CADPS: variants seen among roughly 807,000 people sequenced by gnomAD.
CADPS encodes the protein calcium dependent secretion activator, also known as calcium-dependent secretion activator 1.
A neutral mutation model predicts 167.3 loss-of-function variants in CADPS; 57 were observed. The observed-to-expected ratio is 0.34, with a 90% CI of 0.28 to 0.42. CADPS has a LOEUF of 0.42. Among genes scored for constraint, CADPS ranks in the 20% least tolerant of loss-of-function variants. CADPS has a pLI of 1.00. For synonymous variants in CADPS, 676 were observed against 635.3 expected (o/e 1.06, Z -0.96); for missense variants, 1,414 against 1,738.1 (o/e 0.81, Z 3.32).
At chr3:62,506,239 T>C (rs888128565) in intron 17 of CADPS, among the ~76,000 whole-genome samples, 1 of 151,952 alleles carries the variant, frequency 6.6e-6, no homozygotes, top group Non-Finnish European at 1.5e-5. Flanking sequence ...AATACAAAAG[T>C]TAGCTGGGCA....
intron 6 of CADPS, among the ~76,000 whole-genome samples, chr3:62,639,546 T>C (rs1178572668): frequency 2.6e-5 from 4 of 152,200 alleles, no homozygotes; most frequent in African/African-American, 9.6e-5. Flanking sequence ...AAAGGTCGTA[T>C]CTGTGTTATT....
At chr3:62,607,515 T>C (rs1436469398) in intron 6 of CADPS, among the ~76,000 whole-genome samples, 1 of 152,232 alleles carries the variant, frequency 6.6e-6, no homozygotes, top group Non-Finnish European at 1.5e-5. Flanking sequence ...TCAGTAGCAC[T>C]TGAGTGTCCC....
intron 28 of CADPS, among the ~76,000 whole-genome samples, chr3:62,423,158 C>T (rs1368173935): frequency 6.6e-6 from 1 of 152,196 alleles, no homozygotes; most frequent in African/African-American, 2.4e-5. Flanking sequence ...GATGGGGTAT[C>T]ACCCTGAAGT....
At chr3:62,655,691 C>T (rs1300125669) in intron 4 of CADPS, among the ~76,000 whole-genome samples, 1 of 152,044 alleles carries the variant, frequency 6.6e-6, no homozygotes, top group Admixed American at 6.6e-5. Context: ...CCCTAGACCC[C>T]AAAGACTCAA....
intron 1 of CADPS, among the ~76,000 whole-genome samples, chr3:62,772,640 T>C (rs139364440): frequency 0.023 from 3,458 of 152,326 alleles, 64 homozygotes; most frequent in South Asian, 0.06. Flanking sequence ...TTCTACTTGT[T>C]CAAGTCACTG....
intron 7 of CADPS, among the ~76,000 whole-genome samples, chr3:62,585,600 T>A (rs1004219616): frequency 6.6e-6 from 1 of 152,234 alleles, no homozygotes; most frequent in Admixed American, 6.5e-5. Flanking sequence ...AAACCCAGAA[T>A]GGAGAATATT....
chr3:62,749,696 T>C (rs1257399940), intron 3 of CADPS, among the ~76,000 whole-genome samples: 2 of 152,234 alleles, frequency 1.3e-5, no homozygotes, highest in African/African-American at 4.8e-5. Context: ...ACAGGTATAC[T>C]ATCTTTGCTG....
intron 3 of CADPS, among the ~76,000 whole-genome samples, chr3:62,704,995 A>G (rs1237327595): frequency 6.6e-6 from 1 of 152,124 alleles, no homozygotes; most frequent in Non-Finnish European, 1.5e-5. Flanking sequence ...TCATCAGTGA[A>G]CCAAGCCCAC....
intron 3 of CADPS, among the ~76,000 whole-genome samples, chr3:62,738,710 G>C (rs1575669320): frequency 6.6e-6 from 1 of 152,108 alleles, no homozygotes; most frequent in East Asian, 1.9e-4. Flanking sequence ...TGGGCAACAA[G>C]AGTGAAACTC....
chr3:62,417,463 T>G (rs2149354124), intron 28 of CADPS, among the ~76,000 whole-genome samples: 2 of 151,786 alleles, frequency 1.3e-5, no homozygotes, highest in South Asian at 4.2e-4. Flanking sequence ...TTTTGTATTT[T>G]TAGTAGAGAT....
At chr3:62,731,804 G>GAAAAAAAAAAAAAAAA (rs2077878478) in intron 3 of CADPS, among the ~76,000 whole-genome samples, 2 of 9,188 alleles carry the variant, frequency 2.2e-4, no homozygotes, top group Non-Finnish European at 4.1e-4. Flanking sequence ...CTGATCATAT[G>GAAAAAAAAAAAAAAAA]CAAAAAAAAA....
Position 62,501,103 on chromosome 3 carries a change from G to A in CADPS, c.2600-1835C>T, listed in dbSNP as rs188575301. Among the ~76,000 whole-genome samples the A allele has an allele frequency of 3.2e-4, 48 of 152,320 alleles. 1 individual carries two copies. In the South Asian group the frequency reaches 7.5e-3, roughly 24 times the overall value. ...CCAGATGGAAATGTGGCTGGATCTG[G>A]TTAGAGCCTGAAGGTGGGGCTGTGG... On this transcript the variant is annotated intron_variant, in intron 17 of 29. Coordinates refer to ENST00000383710, the MANE Select transcript of CADPS (RefSeq NM_003716.4).
At chr3:62,810,227 C>G (rs1234528204) in intron 1 of CADPS, among the ~76,000 whole-genome samples, 1 of 152,114 alleles carries the variant, frequency 6.6e-6, no homozygotes, top group Non-Finnish European at 1.5e-5. Flanking sequence ...GAACTAAAAA[C>G]TATTTTCTGT....
chr3:62,632,635 A>G (rs140446298), intron 6 of CADPS, among the ~76,000 whole-genome samples: 6 of 152,224 alleles, frequency 3.9e-5, no homozygotes, highest in African/African-American at 1.4e-4. Flanking sequence ...GTGGGACTGG[A>G]CTCACTGTAG....
chr3:62,845,151 C>T (rs181338791), intron 1 of CADPS, among the ~76,000 whole-genome samples: 1 of 152,280 alleles, frequency 6.6e-6, no homozygotes, highest in Admixed American at 6.5e-5. Flanking sequence ...CACTTTTCAT[C>T]TCAGAAGGAC....
intron 3 of CADPS, among the ~76,000 whole-genome samples, chr3:62,717,828 C>T (rs2084973450): frequency 6.6e-6 from 1 of 152,176 alleles, no homozygotes; most frequent in Non-Finnish European, 1.5e-5. Flanking sequence ...CCATCATTAA[C>T]TACCTGATTG....
chr3:62,487,814 A>G (rs1188696130), intron 21 of CADPS, among the ~76,000 whole-genome samples: 1 of 152,206 alleles, frequency 6.6e-6, no homozygotes, highest in Non-Finnish European at 1.5e-5. Context: ...ACAGGGCCAT[A>G]TTTTGAAATA....
In CADPS at chr3:62,512,458, CAT is replaced by C. The variant is rs1459064454; in HGVS notation, c.2599+291_2599+292del. ...GTTAAACAACTTTTTAAAAAATGCA[CAT>C]GAGGCCAAATCACTGGAATCCTATA... On this transcript the variant is annotated intron_variant, in intron 17 of 29. Coordinates refer to ENST00000383710, the MANE Select transcript of CADPS (RefSeq NM_003716.4). Among the ~76,000 whole-genome samples, 7 of 152,244 alleles carry C rather than the reference CAT, an allele frequency of 4.6e-5. No individual in the cohort carries two copies. The South Asian group carries it at 6.2e-4, about 14-fold the overall frequency.
chr3:62,698,989 T>G (rs1466191709), intron 3 of CADPS, among the ~76,000 whole-genome samples: 2 of 151,954 alleles, frequency 1.3e-5, no homozygotes, highest in African/African-American at 4.8e-5. Flanking sequence ...AGTAGGTTTT[T>G]GGGGAACAGG....
Sources: allele counts gnomAD v4.1 joint callset (sites outside exome capture counted in the v4.1 genomes callset), GRCh38; gene constraint gnomAD v4.1.1; transcripts MANE v1.5; gene names NCBI Gene and HGNC (gene_info 2026-07-23, HGNC 2026-07-21).